Variants in HEATR4 observed in about 807,000 individuals in gnomAD.
HEATR4 encodes the protein HEAT repeat containing 4.
A neutral mutation model predicts 108.8 loss-of-function variants in HEATR4; 95 were observed. The ratio of observed to expected loss-of-function variants is 0.87; its 90% CI spans 0.74 to 1.04. HEATR4 has a LOEUF of 1.04. Ranked by LOEUF, HEATR4 falls within the 50% of genes least tolerant of loss-of-function variation. The pLI is 0.00. For synonymous variants in HEATR4, 443 were observed against 459.4 expected (o/e 0.96, Z 0.46); for missense variants, 1,152 against 1,253.8 (o/e 0.92, Z 1.23).
chr14:73,551,674 GGT>G (rs1889325339), intron 1 of HEATR4, among the ~76,000 whole-genome samples: 2 of 111,756 alleles, frequency 1.8e-5, no homozygotes, highest in African/African-American at 2.9e-5. Flanking sequence ...CGGGTGTGGT[GGT>G]GCGCACCTGT....
chr14:73,625,826 G>A, the HEATR4 span, among the ~76,000 whole-genome samples: 1 of 152,132 alleles, frequency 6.6e-6, no homozygotes. Context: ...CTCTCCTCAG[G>A]CCTCCCTATT....
At chr14:73,593,816 A>G in the HEATR4 span, 1 of 1,614,028 alleles carries the variant, frequency 6.2e-7, no homozygotes, top group Non-Finnish European at 8.5e-7. Flanking sequence ...CTAGCTTATT[A>G]TAACTTTGAA....
intron 12 of HEATR4, 63 bp from the exon 13 acceptor site, chr14:73,499,203 G>C (rs1886275516): frequency 7.1e-7 from 1 of 1,411,554 alleles, no homozygotes; most frequent in Middle Eastern, 1.8e-4. Flanking sequence ...AGAAACAGCT[G>C]GGTGCGGTGG....
chr14:73,492,108 T>C lies in HEATR4; in HGVS notation c.2844+958A>G, dbSNP rs3813563. ...CTCTGGCGTGTATACCGACCCCGAG[T>C]CCCAACCGAGGAACTGGCTCTGACA... is the stretch of plus-strand genomic sequence containing the variant. On this transcript the variant is annotated intron_variant, in intron 17 of 17. Coordinates refer to ENST00000553558, the MANE Select transcript of HEATR4 (RefSeq NM_001220484.1). This position sits in a 1 kb window ranked among gnomAD's most constrained non-coding sequence, Gnocchi z 4.9. 0.47 allele frequency: 751,296 copies of C among 1,613,460 alleles called. 180,979 individuals carry two copies. The highest frequency in any genetic ancestry group is 0.66 in the Admixed American group (39,465 of 59,972).
chr14:73,493,259 C>T (rs1885906241), intron 16 of HEATR4, 135 bp from the exon 17 acceptor site: 1 of 690,256 alleles, frequency 1.4e-6, no homozygotes, highest in African/African-American at 1.8e-5. Flanking sequence ...CTGCTTGAGA[C>T]AGATATTAGA....
the HEATR4 span, chr14:73,595,537 A>G: frequency 6.2e-7 from 1 of 1,610,786 alleles, no homozygotes; most frequent in Non-Finnish European, 8.5e-7. Context: ...AACATGTTAT[A>G]TGGGGTGGGG....
intron 2 of HEATR4, among the ~76,000 whole-genome samples, chr14:73,524,916 A>G (rs1279398703): frequency 1.3e-5 from 2 of 152,160 alleles, no homozygotes; most frequent in Non-Finnish European, 2.9e-5. Flanking sequence ...AACACCCAGC[A>G]CATAGCCTCT....
At chr14:73,612,872 C>A in the HEATR4 span, 1 of 1,402,484 alleles carries the variant, frequency 7.1e-7, no homozygotes, top group South Asian at 1.3e-5. Context: ...CGTGCGGACG[C>A]CCTTCGCCGT....
In HEATR4 at chr14:73,544,796, C is replaced by T. The variant is rs1480559733; in HGVS notation, c.-152+13955G>A. Among the ~76,000 whole-genome samples, 2 of 112,256 alleles carry T rather than the reference C, an allele frequency of 1.8e-5. 1 individual carries two copies. The highest frequency in any genetic ancestry group is 3.9e-5 in the Non-Finnish European group (2 of 51,738). The allele number at this position is 112,256 out of a possible 152,430, so 73.6% of individuals were successfully genotyped here. On this transcript the variant is annotated intron_variant, in intron 1 of 17. Transcript: ENST00000553558. ...TACAAACAAATACCAGACATTGTGG[C>T]GGATGCCTGTAGTCCCAGCTACTGG... is the stretch of plus-strand genomic sequence containing the variant.
At chr14:73,509,871 TATTTATTTTA>T (rs1887128651) in intron 7 of HEATR4, among the ~76,000 whole-genome samples, 3 of 89,188 alleles carry the variant, frequency 3.4e-5, no homozygotes, top group Admixed American at 1.2e-4. Flanking sequence ...TATATATATT[TATTTATTTTA>T]TATATTTTTT....
At chr14:73,622,141 A>G in the HEATR4 span, among the ~76,000 whole-genome samples, 2 of 152,008 alleles carry the variant, frequency 1.3e-5, no homozygotes, top group African/African-American at 4.8e-5. Flanking sequence ...GCTACTGTGG[A>G]GATGCTCTTG....
the HEATR4 span, among the ~76,000 whole-genome samples, chr14:73,572,773 G>A: frequency 1.5e-4 from 23 of 149,222 alleles, no homozygotes; most frequent in Admixed American, 2.7e-4. Context: ...AGCCTCCCGA[G>A]TAGCTGGGAT....
chr14:73,613,570 G>C, the HEATR4 span, among the ~76,000 whole-genome samples: 1 of 152,092 alleles, frequency 6.6e-6, no homozygotes, highest in Non-Finnish European at 1.5e-5. Flanking sequence ...TCATAAACAT[G>C]CTGTACGTGG....
At chr14:73,562,294 T>A (rs1444869822), upstream of HEATR4, among the ~76,000 whole-genome samples, 1 of 152,082 alleles carries the variant, frequency 6.6e-6, no homozygotes, top group African/African-American at 2.4e-5. Flanking sequence ...AGTTCCCAAA[T>A]AATACTTTTA....
rs1291975751 is a variant in HEATR4 at position 73,551,809 on chromosome 14, TAAA to T, written c.-152+6939_-152+6941del. On this transcript the variant is annotated intron_variant, in intron 1 of 17. Coordinates refer to ENST00000553558, the MANE Select transcript of HEATR4 (RefSeq NM_001220484.1). ...GGGCAACAAGAGTAAATCTCCGTCT[TAAA>T]AAAAAAAAAAAAACAGACAAAATGG... Among the ~76,000 whole-genome samples the T allele has an allele frequency of 3.7e-5, 3 of 80,552 alleles. 1 individual carries two copies. Among genetic ancestry groups the T allele is most frequent in the Admixed American group, 3.0e-4 (2 of 6,750 alleles). The allele number at this position is 80,552 out of a possible 152,430, so 52.8% of individuals were successfully genotyped here. A position where few individuals can be genotyped will look rare whatever the true frequency, so the allele number is the denominator to read the frequency against.
chr14:73,558,252 C>A (rs1889432884), intron 1 of HEATR4, among the ~76,000 whole-genome samples: 1 of 139,912 alleles, frequency 7.1e-6, no homozygotes, highest in African/African-American at 2.7e-5. Flanking sequence ...AAGTTCCCCT[C>A]ATTTTTTCCC....
chr14:73,517,731 A>G (rs1170288174), intron 5 of HEATR4, among the ~76,000 whole-genome samples: 1 of 151,012 alleles, frequency 6.6e-6, no homozygotes, highest in Non-Finnish European at 1.5e-5. Flanking sequence ...GAAGAGAGGA[A>G]AGGGAGACAT....
chr14:73,506,177 C>A (rs1284368375), intron 10 of HEATR4, among the ~76,000 whole-genome samples: 1 of 152,194 alleles, frequency 6.6e-6, no homozygotes, highest in Non-Finnish European at 1.5e-5. Flanking sequence ...ATGTGAGCCA[C>A]CGCACCCGGC....
In HEATR4 at chr14:73,522,830, A is replaced by G; in HGVS notation, c.323T>C (p.Ile108Thr). 1 of 1,614,174 alleles carries G rather than the reference A, an allele frequency of 6.2e-7. No individual in the cohort carries two copies. The highest frequency in any genetic ancestry group is 8.5e-7 in the Non-Finnish European group (1 of 1,180,022). The change falls in exon 3 of 18, where the codon ATC (isoleucine) becomes ACC (threonine). Residue 108 changes from isoleucine to threonine, a missense_variant. Ile to Thr is a moderately conservative substitution (Grantham distance 89, BLOSUM62 -1). Coordinates refer to ENST00000553558, the MANE Select transcript of HEATR4 (RefSeq NM_001220484.1). Reference sequence around the variant, plus strand: ...AGGTTTCTGAGGCCGGGCCTTCCTGATCTGGGGAGTATGGATGATGTCATT... The same window carrying G: ...AGGTTTCTGAGGCCGGGCCTTCCTGGTCTGGGGAGTATGGATGATGTCATT... Reference protein sequence around the residue: ...NTNDIIHTPQIRKARPQKPVS... With the variant: ...NTNDIIHTPQTRKARPQKPVS...
Sources: allele counts gnomAD v4.1 joint callset (sites outside exome capture counted in the v4.1 genomes callset), GRCh38; gene constraint gnomAD v4.1.1; non-coding constraint Gnocchi (gnomAD v3.1); transcripts MANE v1.5; gene names NCBI Gene and HGNC (gene_info 2026-07-23, HGNC 2026-07-21).